Variants in LRP1B observed in about 807,000 individuals in gnomAD.
The protein encoded by LRP1B is LDL receptor related protein 1B, also known as low-density lipoprotein receptor-related protein 1B.
Under a neutral mutation model 556.6 loss-of-function variants are expected in LRP1B, and 217 were observed. That is an observed-to-expected ratio of 0.39 (90% CI 0.35 to 0.44). The LOEUF is 0.44. Ranked by LOEUF, LRP1B falls within the 20% of genes least tolerant of loss-of-function variation. The probability of loss-of-function intolerance (pLI) is 1.00; values close to 1 mark genes in which losing one functional copy is unlikely to be tolerated. For synonymous variants in LRP1B, 2,047 were observed against 1,865.8 expected (o/e 1.10, Z -2.50); for missense variants, 5,053 against 5,620.8 (o/e 0.90, Z 3.23).
chr2:141,073,469 C>T (rs1163738715), intron 7 of LRP1B, among the ~76,000 whole-genome samples: 2 of 151,994 alleles, frequency 1.3e-5, no homozygotes, highest in Non-Finnish European at 2.9e-5. Context: ...TAATGGAGTA[C>T]TTCAGGTTCA....
At chr2:141,020,200 A>G in intron 11 of LRP1B, 98 bp from the exon 12 acceptor site, 1 of 686,818 alleles carries the variant, frequency 1.5e-6, no homozygotes, top group Non-Finnish European at 2.2e-6. Flanking sequence ...TTTAGTTCAA[A>G]AAGGAAAGAA....
chr2:141,787,635 G>T lies in LRP1B; in HGVS notation c.205+22644C>A, dbSNP rs114054461. 3.0e-3 allele frequency among the ~76,000 whole-genome samples: 456 copies of T among 151,708 alleles called. 4 individuals are homozygous for T. The highest frequency in any genetic ancestry group is 0.01 in the African/African-American group (430 of 41,426). ...AAAAAACAACTTCTTGGGATAAAGAGAATTTTCTAACTCTTGATTTACTTG... is the reference window on the plus strand; with the variant it reads ...AAAAAACAACTTCTTGGGATAAAGATAATTTTCTAACTCTTGATTTACTTG... On this transcript the variant is annotated intron_variant, in intron 2 of 90. Transcript: ENST00000389484.
At chr2:141,939,988 C>T (rs1036535864) in intron 1 of LRP1B, among the ~76,000 whole-genome samples, 1 of 138,664 alleles carries the variant, frequency 7.2e-6, no homozygotes, top group African/African-American at 2.7e-5. Context: ...GAATAAAAAC[C>T]TAAAAGTAAG....
intron 66 of LRP1B, among the ~76,000 whole-genome samples, chr2:140,437,821 G>T (rs1471841637): frequency 6.6e-6 from 1 of 152,066 alleles, no homozygotes; most frequent in African/African-American, 2.4e-5. Context: ...GGAAGAAGGG[G>T]GAAAGGGAAG....
chr2:141,870,073 G>C (rs181850134), intron 1 of LRP1B, among the ~76,000 whole-genome samples: 89 of 151,974 alleles, frequency 5.9e-4, no homozygotes, highest in African/African-American at 2.0e-3. Flanking sequence ...CATAACATTT[G>C]TTAAATGAGG....
At chr2:140,299,478 A>G (rs1683730934) in intron 83 of LRP1B, among the ~76,000 whole-genome samples, 1 of 152,150 alleles carries the variant, frequency 6.6e-6, no homozygotes, top group Admixed American at 6.6e-5. Flanking sequence ...CCTGAGAAAC[A>G]AGGTAAATTT....
intron 1 of LRP1B, among the ~76,000 whole-genome samples, chr2:141,937,404 A>G (rs1436216595): frequency 6.6e-6 from 1 of 150,914 alleles, no homozygotes; most frequent in South Asian, 2.1e-4. Flanking sequence ...TAATAATAAT[A>G]AAATAAAAAA....
chr2:140,481,987 C>A (rs1384295395), intron 59 of LRP1B, among the ~76,000 whole-genome samples: 4 of 152,172 alleles, frequency 2.6e-5, no homozygotes, highest in Non-Finnish European at 5.9e-5. Context: ...TCAGCTACTT[C>A]TTACTCTACC....
At chr2:141,661,749 AACTT>A (rs1690227763) in intron 2 of LRP1B, among the ~76,000 whole-genome samples, 3 of 152,184 alleles carry the variant, frequency 2.0e-5, no homozygotes, top group Admixed American at 2.0e-4. Context: ...CAAGTTGGAA[AACTT>A]ACTTCAGGAT....
At chr2:140,710,153 G>C (rs1686983198) in intron 37 of LRP1B, among the ~76,000 whole-genome samples, 2 of 152,006 alleles carry the variant, frequency 1.3e-5, no homozygotes, top group African/African-American at 4.8e-5. Flanking sequence ...TCAAAATTAA[G>C]AAATCAAAAA....
chr2:140,964,469 AC>A (rs1239012466), intron 18 of LRP1B, among the ~76,000 whole-genome samples: 23 of 152,032 alleles, frequency 1.5e-4, no homozygotes, highest in Non-Finnish European at 2.4e-4. Context: ...ACATTTTGCT[AC>A]GGCTGGACCA....
intron 3 of LRP1B, among the ~76,000 whole-genome samples, chr2:141,281,289 T>C (rs1685499732): frequency 6.6e-6 from 1 of 151,938 alleles, no homozygotes; most frequent in Admixed American, 6.6e-5. Context: ...ACTTATTACA[T>C]GAAAAAGACT....
intron 35 of LRP1B, among the ~76,000 whole-genome samples, chr2:140,766,228 A>T (rs773322517): frequency 2.0e-5 from 3 of 151,972 alleles, no homozygotes; most frequent in Non-Finnish European, 2.9e-5. Flanking sequence ...AAACAAGTAG[A>T]GACTGACACA....
At chr2:141,471,268 A>ATGT (rs1553518973) in intron 3 of LRP1B, among the ~76,000 whole-genome samples, 830 of 31,772 alleles carry the variant, frequency 0.026, 47 homozygotes, top group African/African-American at 0.055. Context: ...ATACCCTGGT[A>ATGT]TTTTTTTTTT....
chr2:141,960,163 G>A (rs1701360912), intron 1 of LRP1B, among the ~76,000 whole-genome samples: 1 of 151,776 alleles, frequency 6.6e-6, no homozygotes, highest in South Asian at 2.1e-4. Flanking sequence ...GTGAGAGTAT[G>A]GAGATAGCTT....
At chr2:141,335,166 A>G (rs552211892) in intron 3 of LRP1B, among the ~76,000 whole-genome samples, 9 of 152,216 alleles carry the variant, frequency 5.9e-5, no homozygotes, top group Admixed American at 2.6e-4. Flanking sequence ...AGTTCCTACT[A>G]CAAGTTCACA....
intron 1 of LRP1B, among the ~76,000 whole-genome samples, chr2:141,942,714 G>A (rs1700847957): frequency 6.6e-6 from 1 of 152,226 alleles, no homozygotes; most frequent in Non-Finnish European, 1.5e-5. Context: ...CCAAAACAGT[G>A]TCCCTGTTTA....
At chr2:141,661,744 T>C (rs754393733) in intron 2 of LRP1B, among the ~76,000 whole-genome samples, 15 of 152,266 alleles carry the variant, frequency 9.9e-5, no homozygotes, top group Non-Finnish European at 2.1e-4. Flanking sequence ...GAAACCAAGT[T>C]GGAAAACTTA....
At chr2:141,471,842 T>C (rs112797746) in intron 3 of LRP1B, among the ~76,000 whole-genome samples, 1 of 152,212 alleles carries the variant, frequency 6.6e-6, no homozygotes, top group Non-Finnish European at 1.5e-5. Context: ...TTTTAAAAAG[T>C]CTTTTTGGCC....
Sources: gnomAD v4.1 joint callset for allele counts (sites outside exome capture counted in the v4.1 genomes callset) on GRCh38, gnomAD v4.1.1 for gene constraint, MANE v1.5 for transcripts, NCBI Gene and HGNC (gene_info 2026-07-23, HGNC 2026-07-21) for gene names.